REDIC1: variants seen among roughly 807,000 people sequenced by gnomAD.
REDIC1 encodes the protein HEI10 Interacting Protein 1.
the REDIC1 span, among the ~76,000 whole-genome samples, chr12:39,904,806 A>G: frequency 6.6e-6 from 1 of 152,118 alleles, no homozygotes; most frequent in Non-Finnish European, 1.5e-5. Flanking sequence ...TCTTTAGTGC[A>G]TATTTGTTGA....
the REDIC1 span, among the ~76,000 whole-genome samples, chr12:39,678,370 C>T: frequency 1.3e-5 from 2 of 151,748 alleles, no homozygotes; most frequent in Non-Finnish European, 2.9e-5. Context: ...ATATACAACC[C>T]TCCTAGATCA....
the REDIC1 span, among the ~76,000 whole-genome samples, chr12:39,880,529 C>G: frequency 6.6e-6 from 1 of 152,112 alleles, no homozygotes; most frequent in African/African-American, 2.4e-5. Flanking sequence ...TTGTATCATA[C>G]TACCATTAAA....
At chr12:39,673,242 T>G in the REDIC1 span, among the ~76,000 whole-genome samples, 1 of 152,162 alleles carries the variant, frequency 6.6e-6, no homozygotes, top group Admixed American at 6.5e-5. Context: ...ACTGACTACT[T>G]TGATTCTTTG....
the REDIC1 span, among the ~76,000 whole-genome samples, chr12:39,907,067 G>A: frequency 6.6e-6 from 1 of 152,046 alleles, no homozygotes; most frequent in Non-Finnish European, 1.5e-5. Flanking sequence ...TATATAAGTA[G>A]AAGTTTGACT....
the REDIC1 span, among the ~76,000 whole-genome samples, chr12:39,866,356 A>G: frequency 2.6e-5 from 4 of 152,064 alleles, no homozygotes; most frequent in Non-Finnish European, 5.9e-5. Context: ...CTGTTTCCTG[A>G]CTCTGTGATC....
the REDIC1 span, among the ~76,000 whole-genome samples, chr12:39,746,507 A>G: frequency 1.1e-4 from 16 of 152,208 alleles, no homozygotes; most frequent in Non-Finnish European, 2.2e-4. Flanking sequence ...GGGGCAGGAC[A>G]TAGCCGAACA....
At chr12:39,731,981 A>G in the REDIC1 span, among the ~76,000 whole-genome samples, 7 of 152,082 alleles carry the variant, frequency 4.6e-5, no homozygotes, top group African/African-American at 1.7e-4. Flanking sequence ...TCTGCCAGCT[A>G]CCTGAGAAGC....
the REDIC1 span, among the ~76,000 whole-genome samples, chr12:39,736,069 C>T: frequency 6.6e-6 from 1 of 152,298 alleles, no homozygotes; most frequent in East Asian, 1.9e-4. Flanking sequence ...TACTTAGCTG[C>T]AAACATCAGC....
At chr12:39,762,151 T>C in the REDIC1 span, among the ~76,000 whole-genome samples, 87 of 152,052 alleles carry the variant, frequency 5.7e-4, no homozygotes, top group Non-Finnish European at 1.1e-3. Context: ...TGGTTAGACC[T>C]GTGGCTAAGT....
chr12:39,706,150 TA>T, the REDIC1 span, among the ~76,000 whole-genome samples: 81 of 152,166 alleles, frequency 5.3e-4, 1 homozygote, highest in African/African-American at 1.8e-3. Flanking sequence ...CAAAAATCAG[TA>T]GCATTTTTAT....
At chr12:39,886,292 G>A in the REDIC1 span, among the ~76,000 whole-genome samples, 1 of 152,092 alleles carries the variant, frequency 6.6e-6, no homozygotes, top group African/African-American at 2.4e-5. Flanking sequence ...TGACAGCGCT[G>A]TGCCCTTTGA....
the REDIC1 span, among the ~76,000 whole-genome samples, chr12:39,820,849 C>T: frequency 6.6e-6 from 1 of 150,572 alleles, no homozygotes; most frequent in African/African-American, 2.4e-5. Flanking sequence ...ATGCCTTGCC[C>T]TTTGTTTGTT....
At chr12:39,653,576 C>CTTCTTCTTCTTCT in the REDIC1 span, among the ~76,000 whole-genome samples, 102 of 59,104 alleles carry the variant, frequency 1.7e-3, 12 homozygotes, top group Admixed American at 0.017. Context: ...TCTTCTTTTT[C>CTTCTTCTTCTTCT]TTCCTCTTCT....
At chr12:39,896,266 G>A in the REDIC1 span, among the ~76,000 whole-genome samples, 13 of 137,140 alleles carry the variant, frequency 9.5e-5, no homozygotes, top group Admixed American at 9.5e-4. Context: ...GTATATGTGT[G>A]TATATATGTA....
At chr12:39,760,732 G>T in the REDIC1 span, among the ~76,000 whole-genome samples, 11 of 151,890 alleles carry the variant, frequency 7.2e-5, no homozygotes, top group Admixed American at 3.3e-4. Flanking sequence ...TGAAGTCAGA[G>T]AATTTTGTTT....
chr12:39,875,892 C>A, the REDIC1 span, among the ~76,000 whole-genome samples: 1 of 152,128 alleles, frequency 6.6e-6, no homozygotes, highest in African/African-American at 2.4e-5. Flanking sequence ...AACCTTTATG[C>A]AGTAGTTTGC....
the REDIC1 span, among the ~76,000 whole-genome samples, chr12:39,885,898 A>G: frequency 6.6e-6 from 1 of 152,314 alleles, no homozygotes; most frequent in South Asian, 2.1e-4. Context: ...TATTTGGTTC[A>G]ACAACACTTT....
chr12:39,798,146 G>C, the REDIC1 span, among the ~76,000 whole-genome samples: 2 of 152,182 alleles, frequency 1.3e-5, no homozygotes, highest in African/African-American at 4.8e-5. Context: ...TCCACATAAA[G>C]AGAGAAATTA....
chr12:39,702,720 A>C, the REDIC1 span, among the ~76,000 whole-genome samples: 1 of 152,216 alleles, frequency 6.6e-6, no homozygotes, highest in Non-Finnish European at 1.5e-5. Flanking sequence ...GCAGCACATG[A>C]AAAAGCTTAT....
Sources: allele counts gnomAD v4.1 joint callset (sites outside exome capture counted in the v4.1 genomes callset), GRCh38; gene constraint gnomAD v4.1.1; transcripts MANE v1.5; gene names NCBI Gene and HGNC (gene_info 2026-07-23, HGNC 2026-07-21).